LRPPRC: variants seen among roughly 807,000 people sequenced by gnomAD.
LRPPRC encodes leucine rich pentatricopeptide repeat containing, also known as leucine-rich PPR motif-containing protein, mitochondrial.
In LRPPRC, 120 loss-of-function variants were observed where a neutral mutation model predicts 180.3. The ratio of observed to expected loss-of-function variants is 0.67; its 90% CI spans 0.57 to 0.77. The LOEUF (loss-of-function observed/expected upper bound fraction) is 0.77. Among genes scored for constraint, LRPPRC ranks in the 30% least tolerant of loss-of-function variants. LRPPRC has a pLI of 0.00. For synonymous variants in LRPPRC, 723 were observed against 600.0 expected (o/e 1.21, Z -3.00); for missense variants, 2,012 against 1,657.2 (o/e 1.21, Z -3.72).
At chr2:43,954,684 CACAA>C (rs1030527058) in intron 14 of LRPPRC, among the ~76,000 whole-genome samples, 1 of 152,038 alleles carries the variant, frequency 6.6e-6, no homozygotes, top group Non-Finnish European at 1.5e-5. Context: ...CATGCATGTG[CACAA>C]ACACATATAC....
intron 37 of LRPPRC, among the ~76,000 whole-genome samples, chr2:43,889,291 G>A (rs547045933): frequency 1.3e-3 from 149 of 112,006 alleles, no homozygotes; most frequent in African/African-American, 5.2e-3. Flanking sequence ...CTCCAGCCTG[G>A]GCAACACAGC....
chr2:43,991,285 G>T (rs1460297573), intron 1 of LRPPRC, among the ~76,000 whole-genome samples: 2 of 152,032 alleles, frequency 1.3e-5, no homozygotes, highest in Non-Finnish European at 2.9e-5. Flanking sequence ...GCCCGCCTCG[G>T]CCTCCCAAAG....
chr2:43,995,655 G>C lies in LRPPRC; in HGVS notation c.149+144C>G, dbSNP rs377349838. 1.7e-5 allele frequency: 13 copies of C among 747,622 alleles called. No homozygotes were observed. In the East Asian group the frequency reaches 3.1e-4, roughly 18 times the overall value. 46.3% of individuals were successfully genotyped at this position (747,622 alleles called of 1,614,324 possible). A position where few individuals can be genotyped will look rare whatever the true frequency, so the allele number is the denominator to read the frequency against. ...GTCACCCGAAAACCCCTGGTAGGGAGCGTGGTGCGGAGCCCGGGGAGGCTA... is the reference window on the plus strand; with the variant it reads ...GTCACCCGAAAACCCCTGGTAGGGACCGTGGTGCGGAGCCCGGGGAGGCTA... On this transcript the variant is annotated intron_variant, in intron 1 of 37. Transcript: ENST00000260665.
At chr2:43,911,523 C>CTTTA (rs1671258189) in intron 30 of LRPPRC, among the ~76,000 whole-genome samples, 1 of 92,372 alleles carries the variant, frequency 1.1e-5, no homozygotes, top group Non-Finnish European at 2.0e-5. Flanking sequence ...TCTTCTTCTT[C>CTTTA]TTTTTTTTTT....
intron 1 of LRPPRC, among the ~76,000 whole-genome samples, chr2:43,987,048 G>C (rs750656006): frequency 6.6e-6 from 1 of 152,124 alleles, no homozygotes; most frequent in Non-Finnish European, 1.5e-5. Flanking sequence ...TTGATACGCT[G>C]GATCACGTGG....
At chr2:43,970,557 C>T (rs1436133312) in intron 11 of LRPPRC, among the ~76,000 whole-genome samples, 1 of 152,078 alleles carries the variant, frequency 6.6e-6, no homozygotes, top group Admixed American at 6.6e-5. Context: ...CCTCTGTGAA[C>T]ACAGAAAGTC....
intron 14 of LRPPRC, among the ~76,000 whole-genome samples, chr2:43,954,408 G>C (rs1673021841): frequency 1.3e-5 from 2 of 152,188 alleles, no homozygotes; most frequent in African/African-American, 4.8e-5. Flanking sequence ...GATGTCATTT[G>C]TCATCCATCA....
chr2:43,918,115 T>C lies in LRPPRC; in HGVS notation c.3058A>G (p.Lys1020Glu), dbSNP rs1302750382. 1 of 1,613,778 alleles carries C rather than the reference T, an allele frequency of 6.2e-7. No individual in the cohort carries two copies. Among genetic ancestry groups the C allele is most frequent in the Non-Finnish European group, 8.5e-7 (1 of 1,179,876 alleles). Residue 1020 changes from lysine to glutamate, a missense_variant, in exon 29 of 38, where the codon AAA (lysine) becomes GAA (glutamate). By Grantham distance (56) the Lys-to-Glu change is moderately conservative. Coordinates refer to ENST00000260665, the MANE Select transcript of LRPPRC (RefSeq NM_133259.4). The part of the protein sequence containing the change: ...DVPELWYEDE[K>E]HSLNSSSAST... Reference sequence around the variant, plus strand: ...GCTGACGAAGAATTCAGGGAATGTTTTTCATCTTCATACCACAACTTTAAA... The same window carrying C: ...GCTGACGAAGAATTCAGGGAATGTTCTTCATCTTCATACCACAACTTTAAA...
At chr2:43,924,318 T>G (rs920465731) in intron 27 of LRPPRC, among the ~76,000 whole-genome samples, 1 of 152,160 alleles carries the variant, frequency 6.6e-6, no homozygotes, top group Non-Finnish European at 1.5e-5. Context: ...TGTACACTAG[T>G]ATAAAAGTAC....
intron 23 of LRPPRC, among the ~76,000 whole-genome samples, chr2:43,940,027 C>T (rs370496414): frequency 2.6e-5 from 4 of 152,196 alleles, no homozygotes; most frequent in African/African-American, 9.7e-5. Context: ...GTACTAAGCA[C>T]ATGAAGCCTG....
intron 12 of LRPPRC, 88 bp downstream of exon 12, chr2:43,963,500 T>G: frequency 1.1e-6 from 1 of 874,762 alleles, no homozygotes. Flanking sequence ...AGTCCTCAGT[T>G]CAATGACTTT....
At chr2:43,890,548 C>T (rs1412165286) in intron 36 of LRPPRC, among the ~76,000 whole-genome samples, 1 of 152,130 alleles carries the variant, frequency 6.6e-6, no homozygotes, top group African/African-American at 2.4e-5. Flanking sequence ...CCTGTCTCTA[C>T]TAAAAATACA....
At chr2:43,975,331 T>A (rs1314324788) in intron 6 of LRPPRC, 114 bp from the exon 7 acceptor site, 7 of 843,856 alleles carry the variant, frequency 8.3e-6, no homozygotes, top group Non-Finnish European at 1.3e-5. Context: ...TTTGGAATTA[T>A]GATGTCAGAA....
intron 23 of LRPPRC, among the ~76,000 whole-genome samples, chr2:43,938,791 T>G (rs570166855): frequency 1.4e-4 from 21 of 152,330 alleles, no homozygotes; most frequent in African/African-American, 4.8e-4. Context: ...AAGAAACATG[T>G]ACTCCTAAAA....
intron 32 of LRPPRC, among the ~76,000 whole-genome samples, chr2:43,900,896 G>A (rs756705880): frequency 9.2e-5 from 14 of 152,092 alleles, no homozygotes; most frequent in South Asian, 4.1e-4. Context: ...GAGTGTTCAC[G>A]GGGTGGGTAA....
chr2:43,973,778 C>T lies in LRPPRC; in HGVS notation c.1261+17G>A. 1 of 1,607,918 alleles carries T rather than the reference C, an allele frequency of 6.2e-7. No homozygotes were observed. Among genetic ancestry groups the T allele is most frequent in the East Asian group, 2.2e-5 (1 of 44,854 alleles). ...GCAAAACTTCCTTACTTGGCTTTAA[C>T]TTTAAGAATGTAGTACCAGTTTTAT... is the stretch of plus-strand genomic sequence containing the variant. On this transcript the variant is annotated intron_variant, in intron 10 of 37. Transcript: ENST00000260665.
chr2:43,973,559 A>G (rs779301486), intron 11 of LRPPRC, 48 bp downstream of exon 11: 1 of 1,189,026 alleles, frequency 8.4e-7, no homozygotes, highest in South Asian at 1.2e-5. Flanking sequence ...GCAAACTGTC[A>G]TACTGGCTCT....
At chr2:43,966,742 A>G (rs116622290) in intron 11 of LRPPRC, among the ~76,000 whole-genome samples, 2,742 of 145,728 alleles carry the variant, frequency 0.019, 81 homozygotes, top group African/African-American at 0.068. Flanking sequence ...CTAGCTAAAA[A>G]AAAATAAAAA....
chr2:43,995,147 A>T (rs1674970768), intron 1 of LRPPRC, among the ~76,000 whole-genome samples: 1 of 152,216 alleles, frequency 6.6e-6, no homozygotes, highest in Non-Finnish European at 1.5e-5. Flanking sequence ...AGGCTGAGGC[A>T]GGAGAATCGC....
Sources: gnomAD v4.1 joint callset for allele counts (sites outside exome capture counted in the v4.1 genomes callset) on GRCh38, gnomAD v4.1.1 for gene constraint, MANE v1.5 for transcripts, NCBI Gene and HGNC (gene_info 2026-07-23, HGNC 2026-07-21) for gene names.